Variants in NBEA observed in about 807,000 individuals in gnomAD.
NBEA encodes lysosomal-trafficking regulator 2.
NBEA carries 44 observed loss-of-function variants against 343.4 expected under a neutral mutation model. The ratio of observed to expected loss-of-function variants is 0.13; its 90% CI spans 0.10 to 0.16. NBEA has a LOEUF of 0.16. Among genes scored for constraint, NBEA ranks in the 10% least tolerant of loss-of-function variants. NBEA has a pLI of 1.00. For synonymous variants in NBEA, 1,175 were observed against 1,238.7 expected (o/e 0.95, Z 1.08); for missense variants, 2,555 against 3,631.3 (o/e 0.70, Z 7.62).
intron 34 of NBEA, among the ~76,000 whole-genome samples, chr13:35,257,124 A>G (rs1417212934): frequency 6.6e-6 from 1 of 152,208 alleles, no homozygotes; most frequent in Admixed American, 6.5e-5. Context: ...AGAGAAAGGA[A>G]GTGGATAGAG....
intron 46 of NBEA, among the ~76,000 whole-genome samples, chr13:35,587,337 TC>T (rs1220691253): frequency 1.3e-5 from 2 of 152,168 alleles, no homozygotes; most frequent in Non-Finnish European, 2.9e-5. Flanking sequence ...CATGGAACTC[TC>T]AAGGGGACCA....
intron 38 of NBEA, among the ~76,000 whole-genome samples, chr13:35,359,297 T>A (rs1244346981): frequency 6.6e-6 from 1 of 152,132 alleles, no homozygotes; most frequent in Non-Finnish European, 1.5e-5. Context: ...TAACACTGCT[T>A]CCCCATATTT....
chr13:35,519,536 T>C (rs527985929), intron 41 of NBEA, among the ~76,000 whole-genome samples: 2 of 152,356 alleles, frequency 1.3e-5, no homozygotes, highest in African/African-American at 4.8e-5. Flanking sequence ...ATTAGTTTCA[T>C]TTATTTTTTA....
chr13:35,206,673 C>T (rs762979152), intron 31 of NBEA, among the ~76,000 whole-genome samples: 1 of 152,000 alleles, frequency 6.6e-6, no homozygotes, highest in Non-Finnish European at 1.5e-5. Context: ...TGATTATTAA[C>T]ATTTATAATA....
chr13:34,984,496 CT>C (rs1327747303), intron 1 of NBEA, among the ~76,000 whole-genome samples: 1 of 151,430 alleles, frequency 6.6e-6, no homozygotes, highest in Non-Finnish European at 1.5e-5. Context: ...CAGCTTTGTT[CT>C]TTTTGCTTAG....
chr13:35,110,760 C>CT (rs1212130120), intron 12 of NBEA, 50 bp from the exon 13 acceptor site: 3 of 1,481,610 alleles, frequency 2.0e-6, no homozygotes, highest in Non-Finnish European at 2.8e-6. Context: ...AATATGAGCA[C>CT]TTGAGGCATT....
At chr13:35,451,995 A>G (rs1367626980) in intron 39 of NBEA, 97 bp from the exon 40 acceptor site, 4 of 844,316 alleles carry the variant, frequency 4.7e-6, no homozygotes, top group African/African-American at 1.7e-5. Context: ...ATGTAAATGC[A>G]GCATATAATT....
intron 38 of NBEA, among the ~76,000 whole-genome samples, chr13:35,421,778 A>G (rs1183231935): frequency 6.6e-6 from 1 of 152,110 alleles, no homozygotes; most frequent in East Asian, 1.9e-4. Flanking sequence ...AGGTCTCATC[A>G]CTGGCTATAG....
intron 12 of NBEA, 127 bp downstream of exon 12, chr13:35,109,569 G>A (rs1467732744): frequency 3.4e-5 from 28 of 816,588 alleles, no homozygotes; most frequent in Non-Finnish European, 4.1e-5. Context: ...TGTGGCAATT[G>A]TGTTAGGCAG....
Position 35,649,717 on chromosome 13 carries a change from G to A in NBEA, c.7833G>A (p.Val2611=). 1 of 1,613,956 alleles carries A rather than the reference G, an allele frequency of 6.2e-7. No homozygotes were observed. The highest frequency in any genetic ancestry group is 8.5e-7 in the Non-Finnish European group (1 of 1,179,852). The part of the protein sequence containing the change: ...KDQMQQDVIM[V]LKFPSNSPVT... ...AGATGCAACAGGATGTGATAATGGT[G>A]CTGAAGTTTCCTTCAAATTCTCCAG... is the stretch of plus-strand genomic sequence containing the variant. Residue 2611 remains valine (V), a synonymous_variant, in exon 52 of 59, where the codon GTG becomes GTA. Coordinates refer to ENST00000379939, the MANE Select transcript of NBEA (RefSeq NM_001385012.1).
chr13:35,170,607 C>G (rs543941012), intron 25 of NBEA, among the ~76,000 whole-genome samples: 20 of 151,812 alleles, frequency 1.3e-4, no homozygotes, highest in African/African-American at 3.9e-4. Context: ...GTTTTCCAAT[C>G]TAGAATGCTA....
chr13:35,114,866 A>G (rs1243195727), intron 13 of NBEA, among the ~76,000 whole-genome samples: 1 of 152,184 alleles, frequency 6.6e-6, no homozygotes, highest in Non-Finnish European at 1.5e-5. Context: ...ATACTTTTCT[A>G]AATGACAGCA....
At chr13:35,390,535 T>C (rs950878666) in intron 38 of NBEA, among the ~76,000 whole-genome samples, 3 of 152,194 alleles carry the variant, frequency 2.0e-5, no homozygotes, top group African/African-American at 7.2e-5. Context: ...CTAAATGTTA[T>C]CTGTCAGAGG....
At chr13:35,126,296 A>G (rs541903332) in intron 17 of NBEA, among the ~76,000 whole-genome samples, 4 of 152,250 alleles carry the variant, frequency 2.6e-5, no homozygotes, top group African/African-American at 7.2e-5. Flanking sequence ...CTCCCCAGCA[A>G]TGCAGAACTG....
chr13:35,424,245 C>A (rs1283299686), intron 38 of NBEA, among the ~76,000 whole-genome samples: 1 of 152,150 alleles, frequency 6.6e-6, no homozygotes. Flanking sequence ...AAAGGGAATG[C>A]TTCCAGTTTT....
At chr13:35,205,178 G>T (rs2073302573) in intron 31 of NBEA, among the ~76,000 whole-genome samples, 1 of 152,120 alleles carries the variant, frequency 6.6e-6, no homozygotes, top group Non-Finnish European at 1.5e-5. Context: ...CAGTCCTTTA[G>T]TCCTAGATAA....
chr13:35,651,996 T>C, intron 53 of NBEA, 120 bp downstream of exon 53: 4 of 657,198 alleles, frequency 6.1e-6, no homozygotes, highest in Non-Finnish European at 1.1e-5. Flanking sequence ...GCTAATAATA[T>C]CAAATTATCA....
chr13:35,501,472 GTCT>G (rs371352246), intron 41 of NBEA, among the ~76,000 whole-genome samples: 365 of 152,160 alleles, frequency 2.4e-3, no homozygotes, highest in African/African-American at 8.5e-3. Flanking sequence ...AAATGTAAAT[GTCT>G]TCTTGTTATT....
intron 11 of NBEA, among the ~76,000 whole-genome samples, chr13:35,100,049 T>A (rs1459698881): frequency 6.6e-6 from 1 of 152,092 alleles, no homozygotes; most frequent in African/African-American, 2.4e-5. Context: ...ACATATTTCC[T>A]TTGCAAAAAA....
Sources: gnomAD v4.1 joint callset for allele counts (sites outside exome capture counted in the v4.1 genomes callset) on GRCh38, gnomAD v4.1.1 for gene constraint, MANE v1.5 for transcripts, NCBI Gene and HGNC (gene_info 2026-07-23, HGNC 2026-07-21) for gene names.